The following ARIH2 variants were observed in gnomAD, a reference collection of about 807,000 sequenced individuals.
ARIH2 encodes the protein ariadne RBR E3 ubiquitin protein ligase 2.
A neutral mutation model predicts 79.8 loss-of-function variants in ARIH2; 12 were observed. The ratio of observed to expected loss-of-function variants is 0.15; its 90% CI spans 0.10 to 0.24. The LOEUF (loss-of-function observed/expected upper bound fraction) is 0.24, where lower values mean the gene tolerates loss of function less well. Ranked by LOEUF, ARIH2 falls within the 10% of genes least tolerant of loss-of-function variation. ARIH2 has a pLI of 1.00. For synonymous variants in ARIH2, 224 were observed against 213.9 expected (o/e 1.05, Z -0.41); for missense variants, 301 against 618.3 (o/e 0.49, Z 5.44).
In ARIH2 at chr3:48,983,181, C is replaced by T; in HGVS notation, c.1411-18C>T. On this transcript the variant is annotated intron_variant, in intron 15 of 15. Coordinates refer to ENST00000356401, the MANE Select transcript of ARIH2 (RefSeq NM_006321.4). ...AGGCCTGGGCCATGCAAGCACACAC[C>T]TTGTTTCTCTGATGCAGGACTTGGA... 1 of 1,614,178 alleles carries T rather than the reference C, an allele frequency of 6.2e-7. No homozygotes were observed. The highest frequency in any genetic ancestry group is 1.3e-5 in the African/African-American group (1 of 75,072).
rs1398968748 is a variant in ARIH2 at position 48,919,016 on chromosome 3, G to C, written c.-162+18G>C. 2.8e-6 allele frequency: 4 copies of C among 1,424,440 alleles called. No homozygotes were observed. Among genetic ancestry groups the C allele is most frequent in the African/African-American group, 2.9e-5 (2 of 68,106 alleles). The allele number at this position is 1,424,440 out of a possible 1,614,324, so 88.2% of individuals were successfully genotyped here. ...AGCTCCCGGTAAGTGCGCGGCGCAC[G>C]TCACGGCCTTGTTTACCTTGGCTGG... On this transcript the variant is annotated intron_variant, in intron 1 of 15. Transcript: ENST00000356401.
intron 3 of ARIH2, among the ~76,000 whole-genome samples, chr3:48,938,078 C>T (rs905537157): frequency 6.7e-6 from 1 of 149,974 alleles, no homozygotes; most frequent in Non-Finnish European, 1.5e-5. Context: ...GGTTCTATGT[C>T]CTTTTTGATG....
chr3:48,975,859 G>C (rs1201147444), intron 11 of ARIH2, among the ~76,000 whole-genome samples: 2 of 151,636 alleles, frequency 1.3e-5, no homozygotes, highest in African/African-American at 4.8e-5. Context: ...CACTGTGCCC[G>C]ACCGAGAATT....
intron 3 of ARIH2, among the ~76,000 whole-genome samples, chr3:48,948,489 T>C (rs1281005124): frequency 1.3e-5 from 2 of 151,702 alleles, no homozygotes; most frequent in African/African-American, 4.9e-5. Flanking sequence ...AGTTTCTCCA[T>C]GTTGGTCAGG....
At chr3:48,941,990 A>C (rs1435874541) in intron 3 of ARIH2, among the ~76,000 whole-genome samples, 1 of 145,598 alleles carries the variant, frequency 6.9e-6, no homozygotes, top group Non-Finnish European at 1.5e-5. Context: ...AGTTCAGGTG[A>C]CTCTTCTGCC....
chr3:48,921,249 C>T lies in ARIH2; in HGVS notation c.-161-1499C>T, dbSNP rs1576049055. Among the ~76,000 whole-genome samples the T allele has an allele frequency of 2.5e-5, 2 of 79,064 alleles. 1 individual carries two copies. Among genetic ancestry groups the T allele is most frequent in the African/African-American group, 7.8e-5 (2 of 25,560 alleles). The allele number at this position is 79,064 out of a possible 152,430, so 51.9% of individuals were successfully genotyped here. ...GATCACAGGCGTGAGCCACCGTGCC[C>T]GGCCCACTTTTTCAAGTAGAATTTG... is the stretch of plus-strand genomic sequence containing the variant. On this transcript the variant is annotated intron_variant, in intron 1 of 15. Coordinates refer to ENST00000356401, the MANE Select transcript of ARIH2 (RefSeq NM_006321.4).
chr3:48,979,722 C>A, intron 12 of ARIH2, 89 bp downstream of exon 12: 1 of 1,424,590 alleles, frequency 7.0e-7, no homozygotes, highest in Non-Finnish European at 9.6e-7. Flanking sequence ...GTAGACAGAG[C>A]TAGCCTGTGC....
intron 3 of ARIH2, among the ~76,000 whole-genome samples, chr3:48,942,968 G>A (rs1323741820): frequency 6.6e-6 from 1 of 151,592 alleles, no homozygotes; most frequent in African/African-American, 2.4e-5. Context: ...TTGTATTTAT[G>A]GGGTTTCACC....
intron 3 of ARIH2, among the ~76,000 whole-genome samples, chr3:48,943,709 A>G (rs563399221): frequency 7.2e-5 from 11 of 152,304 alleles, no homozygotes; most frequent in Non-Finnish European, 1.0e-4. Context: ...TCGATGAGGT[A>G]GTAGCTCTGT....
intron 3 of ARIH2, among the ~76,000 whole-genome samples, chr3:48,956,669 CGTGTGTGTGTGT>C (rs10591265): frequency 1.4e-5 from 2 of 147,682 alleles, no homozygotes; most frequent in South Asian, 2.1e-4. Context: ...ATACAGCTGA[CGTGTGTGTGTGT>C]GTGTGTGTGT....
intron 8 of ARIH2, among the ~76,000 whole-genome samples, chr3:48,971,234 T>C (rs2092214802): frequency 6.6e-6 from 1 of 152,134 alleles, no homozygotes; most frequent in Non-Finnish European, 1.5e-5. Context: ...ATATGACCCT[T>C]ATATTCTCTC....
At chr3:48,962,535 C>T (rs1049907524) in intron 4 of ARIH2, among the ~76,000 whole-genome samples, 3 of 152,174 alleles carry the variant, frequency 2.0e-5, no homozygotes, top group African/African-American at 7.2e-5. Flanking sequence ...AAAAGGGGCA[C>T]CTCCTCCTCT....
chr3:48,954,503 C>A (rs149988409), intron 3 of ARIH2, among the ~76,000 whole-genome samples: 126 of 152,184 alleles, frequency 8.3e-4, no homozygotes, highest in Non-Finnish European at 1.5e-3. Flanking sequence ...TCTCAAACTT[C>A]TGAATTCAAG....
Position 48,918,895 on chromosome 3 carries a change from G to T in ARIH2, c.-265G>T. 1 of 1,602,176 alleles carries T rather than the reference G, an allele frequency of 6.2e-7. No individual in the cohort carries two copies. The highest frequency in any genetic ancestry group is 1.3e-5 in the African/African-American group (1 of 74,980). ...AAGCAGCGCGGGCTTGACCGGCGTC[G>T]GCCCGCCGCCTCCGCTGCCGCTTCG... On this transcript the variant is annotated 5_prime_UTR_variant, in exon 1 of 16. Coordinates refer to ENST00000356401, the MANE Select transcript of ARIH2 (RefSeq NM_006321.4).
chr3:48,950,074 T>C lies in ARIH2; in HGVS notation c.256-11538T>C, dbSNP rs6781617. Among the ~76,000 whole-genome samples, 1,005 of 152,320 alleles carry C rather than the reference T, an allele frequency of 6.6e-3. 15 individuals are homozygous for C. The highest frequency in any genetic ancestry group is 0.022 in the African/African-American group (927 of 41,598). On this transcript the variant is annotated intron_variant, in intron 3 of 15. Coordinates refer to ENST00000356401, the MANE Select transcript of ARIH2 (RefSeq NM_006321.4). Reference sequence around the variant, plus strand: ...TAGTTTTAGGTTTTACATTTAGATATGTGAACTCTTTTGAGTTAATTTTTG... The same window carrying C: ...TAGTTTTAGGTTTTACATTTAGATACGTGAACTCTTTTGAGTTAATTTTTG...
intron 7 of ARIH2, 64 bp from the exon 8 acceptor site, chr3:48,970,531 G>A: frequency 9.5e-7 from 1 of 1,048,822 alleles, no homozygotes; most frequent in Non-Finnish European, 1.5e-6. Flanking sequence ...AATATTCAGG[G>A]GGTTCTGATT....
chr3:48,978,759 C>T (rs2092646659), intron 11 of ARIH2, among the ~76,000 whole-genome samples: 1 of 151,254 alleles, frequency 6.6e-6, no homozygotes, highest in African/African-American at 2.4e-5. Context: ...TGGGGGTTCT[C>T]GAGACCAGCC....
chr3:48,949,932 T>A (rs2089735104), intron 3 of ARIH2, among the ~76,000 whole-genome samples: 1 of 152,020 alleles, frequency 6.6e-6, no homozygotes. Flanking sequence ...CAGTTTATCT[T>A]TATTTTCTTT....
At chr3:48,961,588 A>ATT in intron 3 of ARIH2, 24 bp from the exon 4 acceptor site, 1 of 1,462,646 alleles carries the variant, frequency 6.8e-7, no homozygotes, top group Non-Finnish European at 9.6e-7. Flanking sequence ...TTATAATTCG[A>ATT]TTTTTTTTCT....
Sources: gnomAD v4.1 joint callset for allele counts (sites outside exome capture counted in the v4.1 genomes callset) on GRCh38, gnomAD v4.1.1 for gene constraint, MANE v1.5 for transcripts, NCBI Gene and HGNC (gene_info 2026-07-23, HGNC 2026-07-21) for gene names.